SLC35F3: variants seen among roughly 807,000 people sequenced by gnomAD.
The protein encoded by SLC35F3 is solute carrier family 35 member F3.
A neutral mutation model predicts 49.9 loss-of-function variants in SLC35F3; 25 were observed. The ratio of observed to expected loss-of-function variants is 0.50; its 90% CI spans 0.37 to 0.70. SLC35F3 has a LOEUF of 0.70. Ranked by LOEUF, SLC35F3 falls within the 30% of genes least tolerant of loss-of-function variation. The pLI is 0.00. For synonymous variants in SLC35F3, 275 were observed against 265.4 expected (o/e 1.04, Z -0.35); for missense variants, 525 against 639.8 (o/e 0.82, Z 1.94).
intron 2 of SLC35F3, among the ~76,000 whole-genome samples, chr1:233,996,925 C>A (rs1429501905): frequency 2.0e-5 from 3 of 152,112 alleles, no homozygotes; most frequent in African/African-American, 7.2e-5. Context: ...GACCCCCCAC[C>A]CCTTACTCTT....
intron 2 of SLC35F3, among the ~76,000 whole-genome samples, chr1:233,989,152 A>G (rs1223909498): frequency 6.6e-6 from 1 of 152,240 alleles, no homozygotes; most frequent in African/African-American, 2.4e-5. Context: ...ACTCCCTGAC[A>G]TAGCAAGCTG....
At chr1:234,287,419 C>T (rs573822) in intron 3 of SLC35F3, among the ~76,000 whole-genome samples, 103,194 of 151,892 alleles carry the variant, frequency 0.68, 35,276 homozygotes, top group East Asian at 0.75. Context: ...CGGCCCACCA[C>T]CAAAATCTGT....
intron 2 of SLC35F3, among the ~76,000 whole-genome samples, chr1:233,919,300 T>G (rs1222291307): frequency 6.6e-6 from 1 of 152,188 alleles, no homozygotes; most frequent in African/African-American, 2.4e-5. Flanking sequence ...TCAACCACAC[T>G]TAGTGCCATC....
intron 2 of SLC35F3, among the ~76,000 whole-genome samples, chr1:234,045,511 C>T (rs1043280337): frequency 6.6e-6 from 1 of 152,152 alleles, no homozygotes; most frequent in East Asian, 1.9e-4. Flanking sequence ...TCTTAAGTAA[C>T]TTGCCTAAAG....
At chr1:234,053,199 C>T (rs1664404148) in intron 2 of SLC35F3, among the ~76,000 whole-genome samples, 1 of 152,112 alleles carries the variant, frequency 6.6e-6, no homozygotes, top group African/African-American at 2.4e-5. Context: ...TCCTTGTTAA[C>T]TTTCTGTCTC....
chr1:233,976,289 T>C (rs1300031769), intron 2 of SLC35F3, among the ~76,000 whole-genome samples: 1 of 152,214 alleles, frequency 6.6e-6, no homozygotes, highest in Non-Finnish European at 1.5e-5. Flanking sequence ...CTACACAATA[T>C]TAAACACAGT....
intron 2 of SLC35F3, among the ~76,000 whole-genome samples, chr1:233,972,707 G>T (rs112482207): frequency 1.3e-5 from 2 of 152,180 alleles, no homozygotes; most frequent in Non-Finnish European, 2.9e-5. Flanking sequence ...GATGGACAAC[G>T]AAGGCCTTTT....
chr1:234,277,384 G>T (rs1250313946), intron 3 of SLC35F3, among the ~76,000 whole-genome samples: 3 of 152,206 alleles, frequency 2.0e-5, no homozygotes, highest in Non-Finnish European at 4.4e-5. Context: ...TGGAAGAGAG[G>T]CAGCTCACCA....
chr1:233,905,221 CTGAG>C, intron 1 of SLC35F3, 91 bp downstream of exon 1: 1 of 1,411,084 alleles, frequency 7.1e-7, no homozygotes, highest in Non-Finnish European at 9.7e-7. Context: ...ACTGGGCAGT[CTGAG>C]GCTCGGGGAA....
chr1:233,919,152 G>A lies in SLC35F3; in HGVS notation c.283+13394G>A, dbSNP rs948711614. Among the ~76,000 whole-genome samples, 3 of 152,180 alleles carry A rather than the reference G, an allele frequency of 2.0e-5. No individual in the cohort carries two copies. In the South Asian group the frequency reaches 6.2e-4, roughly 31 times the overall value. On this transcript the variant is annotated intron_variant, in intron 2 of 7. Transcript: ENST00000366618. ...CCTTACGTAATTCAGGCTTGAAAGG[G>A]AAATACTATGCCTATTTACTTCAGT...
chr1:233,956,759 C>A (rs1662711612), intron 2 of SLC35F3, among the ~76,000 whole-genome samples: 1 of 152,238 alleles, frequency 6.6e-6, no homozygotes, highest in African/African-American at 2.4e-5. Flanking sequence ...AAGGGTCCTG[C>A]AGCCTCAAGC....
chr1:234,297,938 A>G (rs1031061167), intron 3 of SLC35F3, among the ~76,000 whole-genome samples: 1 of 152,172 alleles, frequency 6.6e-6, no homozygotes, highest in Admixed American at 6.5e-5. Flanking sequence ...ATACTTAAAT[A>G]CGTGCTAACA....
rs1433616323 is a variant in SLC35F3, at chr1:234,275,760, AAAAATAT to A, written c.609-33339_609-33333del. On this transcript the variant is annotated intron_variant, in intron 3 of 7. Transcript: ENST00000366618. ...CATCATTGGTAAGTATTGAAAAAAA[AAAAATAT>A]ATATATATATATATAGCACAGAAGA... Among the ~76,000 whole-genome samples the A allele has an allele frequency of 1.7e-3, 241 of 138,416 alleles. 1 individual carries two copies. The highest frequency in any genetic ancestry group is 4.8e-3 in the African/African-American group (172 of 36,192). 90.8% of individuals were successfully genotyped at this position (138,416 alleles called of 152,430 possible).
At chr1:234,321,813 G>A (rs1278156206) in intron 7 of SLC35F3, among the ~76,000 whole-genome samples, 5 of 152,186 alleles carry the variant, frequency 3.3e-5, no homozygotes, top group Admixed American at 1.3e-4. Context: ...GGTTCTCCCC[G>A]ACATCTGCTC....
chr1:233,954,636 A>G (rs1662665219), intron 2 of SLC35F3, among the ~76,000 whole-genome samples: 1 of 152,200 alleles, frequency 6.6e-6, no homozygotes, highest in East Asian at 1.9e-4. Context: ...TTTCTAAATA[A>G]AAGGGCAAAG....
intron 2 of SLC35F3, among the ~76,000 whole-genome samples, chr1:234,004,497 A>C (rs1052015262): frequency 2.3e-4 from 35 of 152,134 alleles, no homozygotes; most frequent in African/African-American, 8.4e-4. Flanking sequence ...TTTGGTTATA[A>C]TTGGGGGTGA....
intron 2 of SLC35F3, among the ~76,000 whole-genome samples, chr1:234,117,125 A>G (rs1665498709): frequency 6.6e-6 from 1 of 152,204 alleles, no homozygotes; most frequent in East Asian, 1.9e-4. Context: ...TAGAGCATCT[A>G]TGTAACCCAA....
At chr1:234,126,256 C>T (rs1665645557) in intron 2 of SLC35F3, among the ~76,000 whole-genome samples, 1 of 152,180 alleles carries the variant, frequency 6.6e-6, no homozygotes, top group African/African-American at 2.4e-5. Flanking sequence ...CAGCCAAATC[C>T]AGCTCATCTC....
chr1:233,984,947 G>A (rs1229877724), intron 2 of SLC35F3, among the ~76,000 whole-genome samples: 2 of 152,032 alleles, frequency 1.3e-5, no homozygotes, highest in Non-Finnish European at 2.9e-5. Flanking sequence ...TATTTCTCAG[G>A]ACTAGCTAGG....
Sources: gnomAD v4.1 joint callset for allele counts (sites outside exome capture counted in the v4.1 genomes callset) on GRCh38, gnomAD v4.1.1 for gene constraint, MANE v1.5 for transcripts, NCBI Gene and HGNC (gene_info 2026-07-23, HGNC 2026-07-21) for gene names.